The following CCSER1 variants were observed in gnomAD, a reference collection of about 807,000 sequenced individuals.
CCSER1 encodes the protein coiled-coil serine rich protein 1.
In CCSER1, 41 loss-of-function variants were observed where a neutral mutation model predicts 82.0. The ratio of observed to expected loss-of-function variants is 0.50; its 90% CI spans 0.39 to 0.65. CCSER1 has a LOEUF of 0.65. CCSER1 is among the 30% of genes least tolerant of loss of function. CCSER1 has a pLI of 0.00. For synonymous variants in CCSER1, 414 were observed against 383.9 expected (o/e 1.08, Z -0.92); for missense variants, 1,119 against 1,064.2 (o/e 1.05, Z -0.72).
chr4:90,397,419 G>A (rs1354652781), intron 3 of CCSER1, among the ~76,000 whole-genome samples: 1 of 152,152 alleles, frequency 6.6e-6, no homozygotes, highest in Non-Finnish European at 1.5e-5. Context: ...AATTGTGGGT[G>A]AATGTATTAA....
At chr4:91,521,462 T>A (rs1333949432) in intron 10 of CCSER1, among the ~76,000 whole-genome samples, 1 of 152,218 alleles carries the variant, frequency 6.6e-6, no homozygotes, top group African/African-American at 2.4e-5. Context: ...CACACTGTCT[T>A]CCACAATGGT....
chr4:90,738,951 T>C (rs1746097752), intron 7 of CCSER1, among the ~76,000 whole-genome samples: 1 of 152,194 alleles, frequency 6.6e-6, no homozygotes, highest in African/African-American at 2.4e-5. Flanking sequence ...AGCTTGTTTG[T>C]TGCTCTTCCC....
At chr4:90,271,826 T>TTTTA (rs1726336412) in intron 1 of CCSER1, among the ~76,000 whole-genome samples, 4 of 42,872 alleles carry the variant, frequency 9.3e-5, no homozygotes, top group Non-Finnish European at 1.7e-4. Context: ...ACTGGACAAT[T>TTTTA]TATATATATA....
chr4:91,071,312 G>A (rs1364060629), intron 9 of CCSER1, among the ~76,000 whole-genome samples: 3 of 152,142 alleles, frequency 2.0e-5, no homozygotes, highest in Non-Finnish European at 2.9e-5. Flanking sequence ...TGTTTTAAGG[G>A]TGCCAGAAGT....
At chr4:90,145,218 A>C (rs1725572684) in intron 1 of CCSER1, among the ~76,000 whole-genome samples, 1 of 152,166 alleles carries the variant, frequency 6.6e-6, no homozygotes, top group South Asian at 2.1e-4. Flanking sequence ...AAAATCTCAG[A>C]GAAATAGGGT....
At chr4:90,400,414 A>G (rs1028869266) in intron 4 of CCSER1, among the ~76,000 whole-genome samples, 1 of 152,220 alleles carries the variant, frequency 6.6e-6, no homozygotes, top group Non-Finnish European at 1.5e-5. Flanking sequence ...AATAATTAAC[A>G]AAAAGTTTAA....
At chr4:91,302,071 G>A (rs140274006) in intron 10 of CCSER1, among the ~76,000 whole-genome samples, 182 of 151,738 alleles carry the variant, frequency 1.2e-3, no homozygotes, top group Non-Finnish European at 1.8e-3. Flanking sequence ...TTCCAACAAA[G>A]GACAATAATG....
chr4:90,229,979 G>C (rs1009207815), intron 1 of CCSER1, among the ~76,000 whole-genome samples: 4 of 152,070 alleles, frequency 2.6e-5, no homozygotes, highest in Non-Finnish European at 4.4e-5. Flanking sequence ...GGCAAGTCCT[G>C]AGCGACCTAC....
At chr4:90,485,144 G>A (rs375646068) in intron 5 of CCSER1, among the ~76,000 whole-genome samples, 44 of 152,312 alleles carry the variant, frequency 2.9e-4, no homozygotes, top group East Asian at 1.5e-3. Flanking sequence ...AGCAATGAGC[G>A]AGGCTCTGTG....
chr4:90,486,066 G>T (rs1165798535), intron 5 of CCSER1, among the ~76,000 whole-genome samples: 1 of 152,074 alleles, frequency 6.6e-6, no homozygotes, highest in Non-Finnish European at 1.5e-5. Flanking sequence ...AATTGTAGAT[G>T]TTCACAAATC....
rs1196575027 is a variant in CCSER1 at position 90,933,029 on chromosome 4, AAAG to A, written c.2172+9585_2172+9587del. Reference sequence around the variant, plus strand: ...GAAAGAAAGAAAGAAAGAAAGAAAGAAAGAAAGAAAGAAAGAGAAGGAAGGAAC... The same window carrying A: ...GAAAGAAAGAAAGAAAGAAAGAAAGAAAAGAAAGAAAGAGAAGGAAGGAAC... On this transcript the variant is annotated intron_variant, in intron 9 of 10. Transcript: ENST00000509176. Among the ~76,000 whole-genome samples, 6 of 96,862 alleles carry A rather than the reference AAAG, an allele frequency of 6.2e-5. No individual in the cohort carries two copies. The East Asian group carries it at 9.4e-4, about 15-fold the overall frequency. 63.5% of individuals were successfully genotyped at this position (96,862 alleles called of 152,430 possible).
chr4:91,111,330 T>C (rs1726076567), intron 10 of CCSER1, among the ~76,000 whole-genome samples: 1 of 152,000 alleles, frequency 6.6e-6, no homozygotes, highest in African/African-American at 2.4e-5. Flanking sequence ...GATTAACTGA[T>C]TGCCTGAAGT....
At chr4:90,609,160 A>G (rs1785133947) in intron 5 of CCSER1, among the ~76,000 whole-genome samples, 1 of 152,068 alleles carries the variant, frequency 6.6e-6, no homozygotes, top group African/African-American at 2.4e-5. Context: ...ATATATTTAT[A>G]CTTAGACGTT....
At chr4:91,173,438 C>T (rs2149008058) in intron 10 of CCSER1, among the ~76,000 whole-genome samples, 1 of 151,954 alleles carries the variant, frequency 6.6e-6, no homozygotes, top group South Asian at 2.1e-4. Context: ...ACTGAAAATA[C>T]AAAAAATTAG....
chr4:91,255,756 C>A (rs1020297100), intron 10 of CCSER1, among the ~76,000 whole-genome samples: 17 of 152,196 alleles, frequency 1.1e-4, no homozygotes, highest in Non-Finnish European at 1.9e-4. Flanking sequence ...GTGAAGATTT[C>A]ATGGACATTT....
intron 9 of CCSER1, among the ~76,000 whole-genome samples, chr4:90,939,472 AC>A (rs1306456187): frequency 2.0e-5 from 3 of 151,306 alleles, no homozygotes. Context: ...TTATCAAGTG[AC>A]CCGGTGGCTA....
At chr4:91,533,053 T>C (rs544747590) in intron 10 of CCSER1, among the ~76,000 whole-genome samples, 1 of 152,260 alleles carries the variant, frequency 6.6e-6, no homozygotes, top group East Asian at 1.9e-4. Flanking sequence ...ATGCTGTACA[T>C]TAGGCACTAG....
intron 10 of CCSER1, among the ~76,000 whole-genome samples, chr4:91,094,185 C>T (rs1205092493): frequency 6.6e-6 from 1 of 152,164 alleles, no homozygotes; most frequent in Non-Finnish European, 1.5e-5. Flanking sequence ...CAGCCTAGGT[C>T]TTTAGCAGGA....
chr4:91,123,387 G>T (rs927842677), intron 10 of CCSER1, among the ~76,000 whole-genome samples: 10 of 151,382 alleles, frequency 6.6e-5, no homozygotes, highest in Non-Finnish European at 1.5e-4. Flanking sequence ...TGCTTTTCAG[G>T]GAATGAGAAA....
Sources: allele counts gnomAD v4.1 joint callset (sites outside exome capture counted in the v4.1 genomes callset), GRCh38; gene constraint gnomAD v4.1.1; transcripts MANE v1.5; gene names NCBI Gene and HGNC (gene_info 2026-07-23, HGNC 2026-07-21).